R3HDM2: variants seen among roughly 807,000 people sequenced by gnomAD.
The protein encoded by R3HDM2 is R3H domain containing 2, also known as R3H domain-containing protein 2.
A neutral mutation model predicts 124.5 loss-of-function variants in R3HDM2; 38 were observed. The observed-to-expected ratio is 0.31, with a 90% CI of 0.24 to 0.40. The LOEUF is 0.40. Among genes scored for constraint, R3HDM2 ranks in the 10% least tolerant of loss-of-function variants. The probability of loss-of-function intolerance (pLI) is 1.00; values close to 1 mark genes in which losing one functional copy is unlikely to be tolerated. For missense variants in R3HDM2, 869 were observed against 1,236.9 expected (o/e 0.70, Z 4.46); for synonymous variants, 391 against 448.0 (o/e 0.87, Z 1.61).
At chr12:57,426,902 G>C (rs1464108516) in intron 1 of R3HDM2, among the ~76,000 whole-genome samples, 2 of 152,128 alleles carry the variant, frequency 1.3e-5, no homozygotes, top group African/African-American at 4.8e-5. Context: ...AGAGTTCAAG[G>C]AAAAAACTCC....
intron 12 of R3HDM2, among the ~76,000 whole-genome samples, chr12:57,285,457 G>C (rs1193951135): frequency 6.6e-6 from 1 of 151,936 alleles, no homozygotes; most frequent in African/African-American, 2.4e-5. Flanking sequence ...GTGTGTGTGT[G>C]TGTGTGTGTG....
intron 4 of R3HDM2, among the ~76,000 whole-genome samples, chr12:57,301,820 A>G (rs1290653494): frequency 6.6e-6 from 1 of 152,234 alleles, no homozygotes; most frequent in African/African-American, 2.4e-5. Flanking sequence ...ATTCTTCCCA[A>G]TGCAAGAAAA....
chr12:57,279,495 T>G (rs1234847273), intron 14 of R3HDM2, among the ~76,000 whole-genome samples: 2 of 150,254 alleles, frequency 1.3e-5, no homozygotes, highest in African/African-American at 4.9e-5. Context: ...AAGGTGACTT[T>G]TAAACATAGT....
chr12:57,403,890 T>G (rs1445972850), intron 1 of R3HDM2, among the ~76,000 whole-genome samples: 2 of 151,868 alleles, frequency 1.3e-5, no homozygotes, highest in Non-Finnish European at 2.9e-5. Context: ...ACCATATAAA[T>G]GTAATACCAA....
At position 57,338,042 on chromosome 12, in the gene R3HDM2, G is replaced by A. The variant is rs577045677; in HGVS notation, c.-35-27579C>T. 7.5e-4 allele frequency among the ~76,000 whole-genome samples: 114 copies of A among 152,282 alleles called. 1 individual carries two copies. Among genetic ancestry groups the A allele is most frequent in the African/African-American group, 2.6e-3 (110 of 41,564 alleles). ...CGCATGGCCGGGTGCAGTGGCTCAC[G>A]CCTGTAATCTCAGCTCTTTGTGAGG... On this transcript the variant is annotated intron_variant, in intron 2 of 23. Transcript: ENST00000402412.
chr12:57,306,549 C>T (rs1413553937), intron 3 of R3HDM2, among the ~76,000 whole-genome samples: 5 of 152,048 alleles, frequency 3.3e-5, no homozygotes, highest in Admixed American at 6.5e-5. Context: ...GCTGGGACTA[C>T]AGGCATGCGT....
intron 1 of R3HDM2, among the ~76,000 whole-genome samples, chr12:57,411,355 G>A (rs924969956): frequency 6.6e-6 from 1 of 152,128 alleles, no homozygotes; most frequent in Non-Finnish European, 1.5e-5. Flanking sequence ...TGTATTCTCA[G>A]TAGAGACCAT....
At chr12:57,345,062 G>A (rs183071027) in intron 2 of R3HDM2, among the ~76,000 whole-genome samples, 116 of 151,968 alleles carry the variant, frequency 7.6e-4, no homozygotes, top group African/African-American at 2.6e-3. Flanking sequence ...TCAAACTCCC[G>A]ACCTCGGGTG....
intron 15 of R3HDM2, 136 bp downstream of exon 15, chr12:57,269,616 T>C: frequency 6.8e-7 from 1 of 1,467,008 alleles, no homozygotes; most frequent in Non-Finnish European, 9.2e-7. Context: ...AAAGAAGACT[T>C]TCTGGCTAGA....
chr12:57,316,190 C>T (rs2054982779), intron 2 of R3HDM2, among the ~76,000 whole-genome samples: 1 of 152,292 alleles, frequency 6.6e-6, no homozygotes, highest in African/African-American at 2.4e-5. Context: ...AATGAAGCAG[C>T]AGAGGAAAGG....
chr12:57,303,192 GCATGAC>G lies in R3HDM2; in HGVS notation c.185_190del (p.Gly62_His63del), dbSNP rs1336340562. The G allele has an allele frequency of 6.5e-7, 1 of 1,531,070 alleles. No homozygotes were observed. The allele number at this position is 1,531,070 out of a possible 1,614,324, so 94.8% of individuals were successfully genotyped here. On this transcript the variant is annotated inframe_deletion, in exon 4 of 24. Coordinates refer to ENST00000402412, the MANE Select transcript of R3HDM2 (RefSeq NM_001394031.1). ...GGCTCTCACCTTGGCTCTTTTCCTG[GCATGAC>G]CATGGTTAGATGTCCGCCTCTGTTA... is the stretch of plus-strand genomic sequence containing the variant.
intron 2 of R3HDM2, among the ~76,000 whole-genome samples, chr12:57,342,098 T>C (rs2059623662): frequency 6.6e-6 from 1 of 152,200 alleles, no homozygotes; most frequent in Admixed American, 6.5e-5. Context: ...AATATCTTTA[T>C]AGCTTCTTTC....
chr12:57,314,017 C>T (rs4760192), intron 2 of R3HDM2, among the ~76,000 whole-genome samples: 66,571 of 149,716 alleles, frequency 0.44, 15,083 homozygotes, highest in South Asian at 0.52. Flanking sequence ...GGAGAAACCC[C>T]GTCTCTACTA....
At chr12:57,407,428 CAG>C (rs1172013299) in intron 1 of R3HDM2, among the ~76,000 whole-genome samples, 1 of 151,348 alleles carries the variant, frequency 6.6e-6, no homozygotes, top group East Asian at 1.9e-4. Context: ...TTTTTTGAGA[CAG>C]AGTCTCACTC....
At chr12:57,347,176 T>G (rs1184302186) in intron 2 of R3HDM2, among the ~76,000 whole-genome samples, 2 of 151,832 alleles carry the variant, frequency 1.3e-5, no homozygotes, top group Non-Finnish European at 2.9e-5. Flanking sequence ...AGTCCAGGAG[T>G]TTGAAGCTGC....
chr12:57,319,024 C>T (rs536740013), intron 2 of R3HDM2, among the ~76,000 whole-genome samples: 5 of 152,114 alleles, frequency 3.3e-5, no homozygotes, highest in Non-Finnish European at 5.9e-5. Context: ...GGAAAGTCTA[C>T]CAAAGACACA....
At chr12:57,405,206 T>A (rs932179364) in intron 1 of R3HDM2, among the ~76,000 whole-genome samples, 47 of 152,264 alleles carry the variant, frequency 3.1e-4, no homozygotes, top group African/African-American at 9.6e-4. Context: ...ATTTAAAAAA[T>A]TTTTTGTAGA....
chr12:57,349,379 C>CAAAAAAAA (rs1161831845), intron 2 of R3HDM2, among the ~76,000 whole-genome samples: 28 of 57,740 alleles, frequency 4.8e-4, no homozygotes, highest in African/African-American at 1.3e-3. Flanking sequence ...ACTCCGTCTC[C>CAAAAAAAA]AAAAAAAAAA....
intron 3 of R3HDM2, chr12:57,304,566 G>A: frequency 1.1e-6 from 1 of 942,374 alleles, no homozygotes; most frequent in Non-Finnish European, 1.3e-6. Flanking sequence ...GGAGAACTGG[G>A]AAGGTGGATG....
Sources: gnomAD v4.1 joint callset for allele counts (sites outside exome capture counted in the v4.1 genomes callset) on GRCh38, gnomAD v4.1.1 for gene constraint, MANE v1.5 for transcripts, NCBI Gene and HGNC (gene_info 2026-07-23, HGNC 2026-07-21) for gene names.